The following FER1L6 variants were observed in gnomAD, a reference collection of about 807,000 sequenced individuals.
The protein encoded by FER1L6 is fer-1 like family member 6, also known as fer-1-like protein 6.
In FER1L6, 177 loss-of-function variants were observed where a neutral mutation model predicts 219.2. That is an observed-to-expected ratio of 0.81 (90% CI 0.71 to 0.91). The LOEUF (loss-of-function observed/expected upper bound fraction) is 0.91. FER1L6 is among the 40% of genes least tolerant of loss of function. The probability of loss-of-function intolerance (pLI) is 0.00; values close to 1 mark genes in which losing one functional copy is unlikely to be tolerated. For synonymous variants in FER1L6, 768 were observed against 824.3 expected (o/e 0.93, Z 1.17); for missense variants, 2,153 against 2,259.9 (o/e 0.95, Z 0.96).
At chr8:124,065,113 G>T (rs569843621) in intron 26 of FER1L6, among the ~76,000 whole-genome samples, 1 of 152,284 alleles carries the variant, frequency 6.6e-6, no homozygotes, top group African/African-American at 2.4e-5. Flanking sequence ...GTCTTAAGGG[G>T]CCGGGCATGG....
chr8:123,872,979 C>T (rs529803991), intron 1 of FER1L6, among the ~76,000 whole-genome samples: 69 of 152,198 alleles, frequency 4.5e-4, no homozygotes, highest in Non-Finnish European at 8.2e-4. Context: ...TTCATTTCCC[C>T]CATTGTCTCC....
chr8:123,956,791 G>T (rs1348521397), intron 2 of FER1L6, among the ~76,000 whole-genome samples: 1 of 152,182 alleles, frequency 6.6e-6, no homozygotes, highest in African/African-American at 2.4e-5. Context: ...AGCATGGGAG[G>T]TACACAGCCA....
intron 1 of FER1L6, among the ~76,000 whole-genome samples, chr8:123,868,112 CCCGCTCCTTCT>C (rs148974171): frequency 0.15 from 22,517 of 152,048 alleles, 1,667 homozygotes; most frequent in Middle Eastern, 0.19. Flanking sequence ...TTCTTCCTTC[CCCGCTCCTTCT>C]CCCCTCATTT....
In FER1L6 at chr8:124,023,516, GCCTCCAAAGA is replaced by G. The variant is rs781022533; in HGVS notation, c.2212_2221del (p.Lys738SerfsTer58). Reference sequence around the variant, plus strand: ...CAGGAGAGTGGCCTATGCCCGCATCGCCTCCAAAGACCTCCTCTATTCCCCTGTCGCGGGG... The same window carrying G: ...CAGGAGAGTGGCCTATGCCCGCATCGCCTCCTCTATTCCCCTGTCGCGGGG... On this transcript the variant is annotated frameshift_variant, in exon 18 of 41. Transcript: ENST00000522917. LOFTEE classifies it high-confidence loss of function. 5.6e-6 allele frequency: 9 copies of G among 1,614,020 alleles called. No individual in the cohort carries two copies. Among genetic ancestry groups the G allele is most frequent in the Non-Finnish European group, 6.8e-6 (8 of 1,179,998 alleles).
chr8:123,980,111 T>C (rs1443725697), intron 10 of FER1L6, among the ~76,000 whole-genome samples: 1 of 152,242 alleles, frequency 6.6e-6, no homozygotes, highest in Non-Finnish European at 1.5e-5. Flanking sequence ...TTAATGTTTA[T>C]ACCTGCTTTG....
At chr8:124,039,399 ACCCACACATG>A (rs1270527605) in intron 19 of FER1L6, among the ~76,000 whole-genome samples, 3 of 152,108 alleles carry the variant, frequency 2.0e-5, no homozygotes, top group African/African-American at 7.2e-5. Context: ...ACAGGCACAC[ACCCACACATG>A]CCCACATGCA....
intron 39 of FER1L6, among the ~76,000 whole-genome samples, chr8:124,109,166 A>T (rs1234330851): frequency 2.0e-5 from 3 of 152,188 alleles, no homozygotes; most frequent in African/African-American, 7.2e-5. Flanking sequence ...CGTCCAATAA[A>T]GTGGTGAGGC....
intron 18 of FER1L6, among the ~76,000 whole-genome samples, chr8:124,024,414 C>A (rs1818615426): frequency 6.7e-6 from 1 of 149,368 alleles, no homozygotes; most frequent in African/African-American, 2.5e-5. Flanking sequence ...CTTTTCATAC[C>A]CATAGCTTAG....
intron 1 of FER1L6, among the ~76,000 whole-genome samples, chr8:123,923,673 C>T (rs995500105): frequency 2.0e-5 from 3 of 152,082 alleles, no homozygotes; most frequent in African/African-American, 7.2e-5. Flanking sequence ...CTGTGCTAAG[C>T]CCATGCGTTA....
chr8:123,962,852 T>C (rs570094979), intron 2 of FER1L6, among the ~76,000 whole-genome samples: 16 of 152,228 alleles, frequency 1.1e-4, no homozygotes, highest in Middle Eastern at 3.4e-3. Flanking sequence ...GGTCTCAAAC[T>C]CCTGTCCTCA....
intron 12 of FER1L6, among the ~76,000 whole-genome samples, chr8:123,996,182 T>C (rs1817122801): frequency 6.6e-6 from 1 of 152,182 alleles, no homozygotes; most frequent in South Asian, 2.1e-4. Flanking sequence ...TGTTCCATGG[T>C]GCAGATTAAG....
chr8:123,917,055 T>C (rs1005638393), intron 1 of FER1L6, among the ~76,000 whole-genome samples: 1 of 152,214 alleles, frequency 6.6e-6, no homozygotes, highest in Admixed American at 6.5e-5. Context: ...TCCAACCCAC[T>C]GATTTTTATC....
Position 123,853,946 on chromosome 8 carries a change from C to T in FER1L6, c.-8+1761C>T, listed in dbSNP as rs1816578041. 6.6e-6 allele frequency among the ~76,000 whole-genome samples: 1 copy of T among 152,210 alleles called. No homozygotes were observed. Among genetic ancestry groups the T allele is most frequent in the African/African-American group, 2.4e-5 (1 of 41,452 alleles). On this transcript the variant is annotated intron_variant, in intron 1 of 40. Coordinates refer to ENST00000522917, the MANE Select transcript of FER1L6 (RefSeq NM_001039112.2). The surrounding 1 kb of genome is among the most constrained non-coding windows in gnomAD (Gnocchi z 6.6). ...CCTCTGAGGAGCAAAGGATGCAGGG[C>T]TTCTGTGGGCCTGGCTCTCAGGGAA...
chr8:123,945,719 G>A (rs1814457438), intron 1 of FER1L6, among the ~76,000 whole-genome samples: 1 of 152,136 alleles, frequency 6.6e-6, no homozygotes, highest in Non-Finnish European at 1.5e-5. Flanking sequence ...TTTATTCTTG[G>A]AACTAATTAG....
chr8:124,098,060 A>G (rs967820868), intron 37 of FER1L6, among the ~76,000 whole-genome samples, 177 bp downstream of exon 37: 5 of 152,238 alleles, frequency 3.3e-5, no homozygotes, highest in African/African-American at 1.2e-4. Flanking sequence ...TTTGCTAAAA[A>G]TTATTAGCTT....
chr8:124,070,492 A>T lies in FER1L6; in HGVS notation c.3860A>T (p.Glu1287Val), dbSNP rs1447561359. The T allele has an allele frequency of 1.2e-6, 2 of 1,613,830 alleles. No homozygotes were observed. Residue 1287 changes from glutamate to valine, a missense_variant, in exon 30 of 41, where the codon GAA becomes GTA. Transcript: ENST00000522917. The part of the protein sequence containing the change: ...LQIYDGDLES[E>V]FNNFEDWVKT... ...ATATATGACGGTGATCTCGAGAGTG[A>T]ATTCAACAATTTTGAAGACTGGGTG...
intron 1 of FER1L6, among the ~76,000 whole-genome samples, chr8:123,903,731 G>A (rs1031742305): frequency 1.3e-5 from 2 of 152,110 alleles, no homozygotes; most frequent in Admixed American, 6.6e-5. Flanking sequence ...GGGCAATATG[G>A]ACCGTTTCAT....
At position 124,094,968 on chromosome 8, in the gene FER1L6, G is replaced by A; in HGVS notation, c.4625G>A (p.Gly1542Glu). The A allele has an allele frequency of 1.2e-6, 2 of 1,614,120 alleles. No homozygotes were observed. The highest frequency in any genetic ancestry group is 2.2e-5 in the East Asian group (1 of 44,880). ...TCTTGGGAGGATATCCCGGAAGTCG[G>A]GTGTAGGCTGGTTCCTGAACACATA... ...LHSWEDIPEV[G>E]CRLVPEHIET... The change falls in exon 35 of 41, where the codon GGG becomes GAG. Residue 1542 changes from glycine (G) to glutamate (E), a missense_variant. By Grantham distance (98) the Gly-to-Glu change is moderately conservative (BLOSUM62 -2). Coordinates refer to ENST00000522917, the MANE Select transcript of FER1L6 (RefSeq NM_001039112.2).
chr8:123,901,950 G>A (rs1812867109), intron 1 of FER1L6, among the ~76,000 whole-genome samples: 1 of 151,962 alleles, frequency 6.6e-6, no homozygotes, highest in African/African-American at 2.4e-5. Flanking sequence ...TCAATCTCCA[G>A]ACTTCGTTAT....
Sources: gnomAD v4.1 joint callset for allele counts (sites outside exome capture counted in the v4.1 genomes callset) on GRCh38, gnomAD v4.1.1 for gene constraint, Gnocchi (gnomAD v3.1) non-coding constraint, MANE v1.5 for transcripts, NCBI Gene and HGNC (gene_info 2026-07-23, HGNC 2026-07-21) for gene names.